Variants in ARHGAP15 observed in about 807,000 individuals in gnomAD.
ARHGAP15 encodes rho GTPase-activating protein 15.
A neutral mutation model predicts 63.7 loss-of-function variants in ARHGAP15; 51 were observed. The ratio of observed to expected loss-of-function variants is 0.80; its 90% CI spans 0.64 to 1.01. The LOEUF is 1.01. ARHGAP15 is among the 50% of genes least tolerant of loss of function. The pLI is 0.00. For synonymous variants in ARHGAP15, 191 were observed against 193.8 expected (o/e 0.99, Z 0.12); for missense variants, 560 against 564.6 (o/e 0.99, Z 0.08).
At chr2:143,224,789 G>A (rs527429996) in intron 4 of ARHGAP15, among the ~76,000 whole-genome samples, 61 of 152,302 alleles carry the variant, frequency 4.0e-4, no homozygotes, top group Middle Eastern at 3.4e-3. Context: ...CTATGTTAAA[G>A]TAATTGGGTG....
intron 6 of ARHGAP15, among the ~76,000 whole-genome samples, chr2:143,387,876 C>T (rs1052276402): frequency 3.3e-5 from 5 of 150,816 alleles, no homozygotes; most frequent in East Asian, 3.9e-4. Context: ...TACACATACA[C>T]GCATGCGTGC....
chr2:143,305,521 C>T (rs1052446365), intron 6 of ARHGAP15: 3 of 151,966 alleles, frequency 2.0e-5, no homozygotes, highest in African/African-American at 2.4e-5. Flanking sequence ...TTTATGGGTG[C>T]TTCATCAGAC....
At position 143,528,775 on chromosome 2, in the gene ARHGAP15, T is replaced by C. The variant is rs192848952; in HGVS notation, c.925+9411T>C. Among the ~76,000 whole-genome samples, 6 of 152,246 alleles carry C rather than the reference T, an allele frequency of 3.9e-5. No individual in the cohort carries two copies. The East Asian group carries it at 1.2e-3, about 29-fold the overall frequency. On this transcript the variant is annotated intron_variant, in intron 10 of 13. Coordinates refer to ENST00000295095, the MANE Select transcript of ARHGAP15 (RefSeq NM_018460.4). ...ATAGAACAGTTGCACACCTAACAGATGGTATTGTCACGACAACAGTGAGAT... is the reference window on the plus strand; with the variant it reads ...ATAGAACAGTTGCACACCTAACAGACGGTATTGTCACGACAACAGTGAGAT...
intron 6 of ARHGAP15, among the ~76,000 whole-genome samples, chr2:143,419,454 G>GT (rs1472198634): frequency 2.3e-5 from 3 of 129,262 alleles, no homozygotes; most frequent in Non-Finnish European, 5.0e-5. Flanking sequence ...TGCAGCGTGG[G>GT]TTTATTTAAC....
chr2:143,705,677 C>T (rs1011160319), intron 13 of ARHGAP15, among the ~76,000 whole-genome samples: 1 of 152,092 alleles, frequency 6.6e-6, no homozygotes, highest in Non-Finnish European at 1.5e-5. Context: ...CTATGCAATA[C>T]CTTGTCTTAA....
intron 13 of ARHGAP15, among the ~76,000 whole-genome samples, chr2:143,731,239 G>A (rs1230096195): frequency 6.6e-6 from 1 of 152,140 alleles, no homozygotes; most frequent in Admixed American, 6.5e-5. Context: ...AAACTACCTT[G>A]AAGGCATTTG....
rs571992097 is a variant in ARHGAP15, at chr2:143,183,531, T to C, written c.166-18603T>C. Reference sequence around the variant, plus strand: ...CTGATTCAAACATATCTTTTAAAAATGATTAAGTATATAAAAGTATCTAAA... The same window carrying C: ...CTGATTCAAACATATCTTTTAAAAACGATTAAGTATATAAAAGTATCTAAA... On this transcript the variant is annotated intron_variant, in intron 2 of 13. Coordinates refer to ENST00000295095, the MANE Select transcript of ARHGAP15 (RefSeq NM_018460.4). 2.6e-5 allele frequency among the ~76,000 whole-genome samples: 4 copies of C among 152,096 alleles called. No individual in the cohort carries two copies. The East Asian group carries it at 5.8e-4, about 22-fold the overall frequency.
At chr2:143,302,706 A>T (rs1233873242) in intron 6 of ARHGAP15, among the ~76,000 whole-genome samples, 1 of 151,980 alleles carries the variant, frequency 6.6e-6, no homozygotes, top group Non-Finnish European at 1.5e-5. Flanking sequence ...TATATTTTAT[A>T]TGCATATCTA....
At chr2:143,721,370 C>G (rs937457235) in intron 13 of ARHGAP15, among the ~76,000 whole-genome samples, 1 of 152,132 alleles carries the variant, frequency 6.6e-6, no homozygotes, top group African/African-American at 2.4e-5. Context: ...ATAATCCAAT[C>G]CAAAACCCAC....
chr2:143,378,910 G>A (rs1027381015), intron 6 of ARHGAP15, among the ~76,000 whole-genome samples: 28 of 152,010 alleles, frequency 1.8e-4, no homozygotes, highest in African/African-American at 6.7e-4. Flanking sequence ...AATATTGAAG[G>A]GAATGGGTGG....
intron 6 of ARHGAP15, among the ~76,000 whole-genome samples, chr2:143,252,581 A>C (rs1680212048): frequency 6.6e-6 from 1 of 152,026 alleles, no homozygotes; most frequent in South Asian, 2.1e-4. Flanking sequence ...GGTGATCATA[A>C]GGATATTGTG....
At chr2:143,208,043 G>T (rs1692411338) in intron 3 of ARHGAP15, among the ~76,000 whole-genome samples, 1 of 152,080 alleles carries the variant, frequency 6.6e-6, no homozygotes, top group East Asian at 1.9e-4. Flanking sequence ...TTCCTTGGCT[G>T]TACCTACCAG....
intron 8 of ARHGAP15, among the ~76,000 whole-genome samples, chr2:143,440,206 T>C (rs1689811991): frequency 6.6e-6 from 1 of 152,194 alleles, no homozygotes; most frequent in Non-Finnish European, 1.5e-5. Context: ...TTTGAAATAG[T>C]GATTGACATG....
At chr2:143,432,966 A>C (rs1377764261) in intron 6 of ARHGAP15, among the ~76,000 whole-genome samples, 1 of 152,042 alleles carries the variant, frequency 6.6e-6, no homozygotes, top group Non-Finnish European at 1.5e-5. Context: ...GAGGCAAAAC[A>C]TATAGAAAGA....
chr2:143,306,705 C>T (rs1302238154), intron 6 of ARHGAP15, among the ~76,000 whole-genome samples: 2 of 152,096 alleles, frequency 1.3e-5, no homozygotes, highest in Admixed American at 6.5e-5. Flanking sequence ...TTAATTCACC[C>T]ACCTCTTCAG....
chr2:143,366,892 T>C (rs765051971), intron 6 of ARHGAP15, among the ~76,000 whole-genome samples: 12 of 152,076 alleles, frequency 7.9e-5, no homozygotes, highest in Non-Finnish European at 1.6e-4. Flanking sequence ...TTTCTCTGTC[T>C]GTGGCAACAT....
chr2:143,492,488 T>C (rs1692627960), intron 9 of ARHGAP15, among the ~76,000 whole-genome samples: 1 of 152,202 alleles, frequency 6.6e-6, no homozygotes, highest in Admixed American at 6.5e-5. Context: ...CTGAGCATGG[T>C]TGGCTCATGC....
chr2:143,328,017 A>G (rs1174265165), intron 6 of ARHGAP15, among the ~76,000 whole-genome samples: 2 of 152,268 alleles, frequency 1.3e-5, no homozygotes, highest in Non-Finnish European at 2.9e-5. Context: ...ACTGGTCATT[A>G]GAGAAATGCA....
chr2:143,236,521 T>C (rs549138580), intron 5 of ARHGAP15: 42 of 152,212 alleles, frequency 2.8e-4, no homozygotes, highest in African/African-American at 9.9e-4. Context: ...TGGCCTTAGA[T>C]TGAGTATAGT....
Sources: gnomAD v4.1 joint callset for allele counts (sites outside exome capture counted in the v4.1 genomes callset) on GRCh38, gnomAD v4.1.1 for gene constraint, MANE v1.5 for transcripts, NCBI Gene and HGNC (gene_info 2026-07-23, HGNC 2026-07-21) for gene names.